The following PCDH15 variants were observed in gnomAD, a reference collection of about 807,000 sequenced individuals.
The protein encoded by PCDH15 is protocadherin related 15, also known as protocadherin-15.
A neutral mutation model predicts 178.5 loss-of-function variants in PCDH15; 129 were observed. That is an observed-to-expected ratio of 0.72 (90% CI 0.63 to 0.84). The LOEUF (loss-of-function observed/expected upper bound fraction) is 0.84, where lower values mean the gene tolerates loss of function less well. Among genes scored for constraint, PCDH15 ranks in the 40% least tolerant of loss-of-function variants. PCDH15 has a pLI of 0.00. For synonymous variants in PCDH15, 800 were observed against 732.0 expected (o/e 1.09, Z -1.50); for missense variants, 2,230 against 2,099.9 (o/e 1.06, Z -1.21).
chr10:55,223,199 T>C (rs1206510660), intron 1 of PCDH15, among the ~76,000 whole-genome samples: 1 of 152,132 alleles, frequency 6.6e-6, no homozygotes. Flanking sequence ...AACTGGCTAA[T>C]AGCTACTACA....
intron 2 of PCDH15, among the ~76,000 whole-genome samples, chr10:55,071,445 T>A (rs1170516171): frequency 6.6e-6 from 1 of 152,030 alleles, no homozygotes; most frequent in African/African-American, 2.4e-5. Flanking sequence ...GGGGTTGCAA[T>A]CCTAGTCTCT....
rs930733248 is a variant in PCDH15, at chr10:54,967,173, C to T, written c.-79-69673G>A. Among the ~76,000 whole-genome samples, 6 of 152,286 alleles carry T rather than the reference C, an allele frequency of 3.9e-5. No individual in the cohort carries two copies. The East Asian group carries it at 1.2e-3, about 29-fold the overall frequency. On this transcript the variant is annotated intron_variant, in intron 2 of 5. Transcript: ENST00000458638. ...AAAAACTACAATGTTACAGTGGCTA[C>T]AAAGTCACTAGGCTATAGGAATTTT...
At chr10:55,150,974 C>T (rs2799588) in intron 2 of PCDH15, among the ~76,000 whole-genome samples, 81,457 of 151,950 alleles carry the variant, frequency 0.54, 22,277 homozygotes, top group South Asian at 0.64. Context: ...GCCAATTTAT[C>T]TCTTCATCCT....
At chr10:53,959,372 A>C (rs964431732) in intron 23 of PCDH15, among the ~76,000 whole-genome samples, 2 of 151,810 alleles carry the variant, frequency 1.3e-5, no homozygotes, top group African/African-American at 4.8e-5. Flanking sequence ...ATTGCATGCC[A>C]AAATTGGAAA....
At chr10:54,836,525 A>G (rs1953319524) in intron 3 of PCDH15, among the ~76,000 whole-genome samples, 1 of 152,114 alleles carries the variant, frequency 6.6e-6, no homozygotes, top group African/African-American at 2.4e-5. Flanking sequence ...ACTAAGCAAT[A>G]AATTCAAACC....
At chr10:55,540,151 G>C (rs559527899) in intron 2 of PCDH15, among the ~76,000 whole-genome samples, 2 of 152,082 alleles carry the variant, frequency 1.3e-5, no homozygotes, top group African/African-American at 4.8e-5. Flanking sequence ...TTTTTCAAGT[G>C]CATAGTCCAT....
intron 2 of PCDH15, among the ~76,000 whole-genome samples, chr10:54,919,094 AT>A (rs1182429002): frequency 1.3e-5 from 2 of 152,200 alleles, no homozygotes; most frequent in Non-Finnish European, 2.9e-5. Flanking sequence ...AAGTTGGACT[AT>A]GATAAGTTGG....
chr10:55,109,694 T>C (rs1171672393), intron 2 of PCDH15, among the ~76,000 whole-genome samples: 1 of 152,134 alleles, frequency 6.6e-6, no homozygotes, highest in East Asian at 1.9e-4. Context: ...CTTCCTATGT[T>C]AATTTTATTG....
chr10:54,801,911 T>C (rs547816590), upstream of PCDH15, among the ~76,000 whole-genome samples: 2 of 152,284 alleles, frequency 1.3e-5, no homozygotes, highest in South Asian at 4.1e-4. Context: ...GGTAAACTAG[T>C]AAAATACAAT....
Position 54,232,628 on chromosome 10 carries a change from G to C in PCDH15, c.985+4195C>G, listed in dbSNP as rs114113515. Reference sequence around the variant, plus strand: ...GTCAGTTTGAATAGTTTGATTCCAGGAATTTGTCCATTGCATCCATTTGTC... The same window carrying C: ...GTCAGTTTGAATAGTTTGATTCCAGCAATTTGTCCATTGCATCCATTTGTC... On this transcript the variant is annotated intron_variant, in intron 9 of 37. Coordinates refer to ENST00000644397, the MANE Select transcript of PCDH15 (RefSeq NM_001384140.1). Among the ~76,000 whole-genome samples the C allele has an allele frequency of 3.0e-3, 462 of 152,166 alleles. 3 individuals carry two copies. The highest frequency in any genetic ancestry group is 0.02 in the Middle Eastern group (6 of 294).
At chr10:55,069,612 AT>A (rs1309443659) in intron 2 of PCDH15, among the ~76,000 whole-genome samples, 1 of 143,454 alleles carries the variant, frequency 7.0e-6, no homozygotes, top group Non-Finnish European at 1.5e-5. Context: ...TGAACTCATC[AT>A]TTTTTATGGC....
intron 8 of PCDH15, among the ~76,000 whole-genome samples, chr10:54,277,838 G>A (rs1010314358): frequency 5.9e-5 from 9 of 151,446 alleles, no homozygotes; most frequent in Non-Finnish European, 1.2e-4. Context: ...AAGATTGTAG[G>A]GTGAGAGGAG....
chr10:53,866,008 A>G (rs1006607373), intron 27 of PCDH15, among the ~76,000 whole-genome samples: 1 of 152,178 alleles, frequency 6.6e-6, no homozygotes. Context: ...ATACAAGCTA[A>G]TATCAAACTT....
chr10:54,976,566 T>C (rs770782591), intron 2 of PCDH15, among the ~76,000 whole-genome samples: 7 of 152,156 alleles, frequency 4.6e-5, no homozygotes, highest in Non-Finnish European at 8.8e-5. Context: ...ACAGAACCAG[T>C]TGAGTCACGA....
intron 2 of PCDH15, among the ~76,000 whole-genome samples, chr10:55,592,853 A>G (rs1842869175): frequency 6.6e-6 from 1 of 152,114 alleles, no homozygotes. Context: ...CATGCATATA[A>G]AAATATATTT....
rs1430408086 is a variant in PCDH15 at position 53,805,610 on chromosome 10, A to G, written c.*969T>C. 6.6e-6 allele frequency: 1 copy of G among 152,070 alleles called. No individual in the cohort carries two copies. The highest frequency in any genetic ancestry group is 1.5e-5 in the Non-Finnish European group (1 of 67,994). The allele number at this position is 152,070 out of a possible 1,614,324, so 9.4% of individuals were successfully genotyped here. On this transcript the variant is annotated 3_prime_UTR_variant, in exon 38 of 38. Coordinates refer to ENST00000644397, the MANE Select transcript of PCDH15 (RefSeq NM_001384140.1). ...GAAGTTATGAATTCATAGCCTTTAT[A>G]AGCTTTATATATTATATACATTTCA...
intron 3 of PCDH15, among the ~76,000 whole-genome samples, chr10:54,895,212 A>G (rs926800140): frequency 1.3e-5 from 2 of 152,170 alleles, no homozygotes; most frequent in African/African-American, 4.8e-5. Context: ...GTGGCTACTC[A>G]TAATTCCTCT....
intron 2 of PCDH15, among the ~76,000 whole-genome samples, chr10:55,515,287 G>A (rs1194053890): frequency 6.6e-6 from 1 of 151,896 alleles, no homozygotes; most frequent in African/African-American, 2.4e-5. Flanking sequence ...CCGGGGCATT[G>A]TTTTTGAGTC....
chr10:55,582,596 G>GTGTATATATA (rs1335355640), intron 2 of PCDH15, among the ~76,000 whole-genome samples: 2 of 90,326 alleles, frequency 2.2e-5, no homozygotes, highest in Admixed American at 1.4e-4. Context: ...ATGTGTATGT[G>GTGTATATATA]TATATATATA....
Sources: gnomAD v4.1 joint callset for allele counts (sites outside exome capture counted in the v4.1 genomes callset) on GRCh38, gnomAD v4.1.1 for gene constraint, MANE v1.5 for transcripts, NCBI Gene and HGNC (gene_info 2026-07-23, HGNC 2026-07-21) for gene names.